The following BMERB1 variants were observed in gnomAD, a reference collection of about 807,000 sequenced individuals.
BMERB1 encodes bMERB domain-containing protein 1.
A neutral mutation model predicts 23.6 loss-of-function variants in BMERB1; 12 were observed. The observed-to-expected ratio is 0.51, with a 90% confidence interval of 0.33 to 0.82. The LOEUF (loss-of-function observed/expected upper bound fraction) is 0.82. BMERB1 is among the 40% of genes least tolerant of loss of function. BMERB1 has a pLI of 0.03. For synonymous variants in BMERB1, 122 were observed against 96.6 expected, an observed-to-expected ratio of 1.26 and a Z score of -1.54; for missense variants, 247 against 255.4, an observed-to-expected ratio of 0.97 and a Z score of 0.22.
At chr16:15,532,580 C>T (rs368685297) in intron 2 of BMERB1, among the ~76,000 whole-genome samples, 30 of 122,796 alleles carry the variant, frequency 2.4e-4, no homozygotes, top group African/African-American at 9.4e-4. Flanking sequence ...GAGTCTCGCT[C>T]TGTCGCCCAG....
At chr16:15,566,977 A>C (rs575585881) in intron 2 of BMERB1, among the ~76,000 whole-genome samples, 1 of 151,756 alleles carries the variant, frequency 6.6e-6, no homozygotes, top group South Asian at 2.1e-4. Context: ...GAAGCCAGGA[A>C]TCCAAGACCA....
At chr16:15,567,061 G>A (rs1463737695) in intron 2 of BMERB1, among the ~76,000 whole-genome samples, 6 of 151,940 alleles carry the variant, frequency 3.9e-5, no homozygotes, top group Non-Finnish European at 5.9e-5. Context: ...CAGCTACTCC[G>A]TAGGGGGCTG....
chr16:15,541,795 G>A (rs560223491), intron 2 of BMERB1, among the ~76,000 whole-genome samples: 2 of 151,628 alleles, frequency 1.3e-5, no homozygotes, highest in South Asian at 4.2e-4. Flanking sequence ...GTAGAGGTGG[G>A]GTTTCACCAT....
At chr16:15,562,140 C>CA (rs929337612) in intron 2 of BMERB1, among the ~76,000 whole-genome samples, 3,015 of 135,566 alleles carry the variant, frequency 0.022, 105 homozygotes, top group African/African-American at 0.074. Flanking sequence ...AAATCTCGTC[C>CA]AAAAAAAAAA....
chr16:15,499,605 C>A (rs2150942673), intron 1 of BMERB1, among the ~76,000 whole-genome samples: 1 of 152,254 alleles, frequency 6.6e-6, no homozygotes, highest in East Asian at 1.9e-4. Flanking sequence ...ACCACAGCTT[C>A]TCCTTGAGTC....
intron 3 of BMERB1, among the ~76,000 whole-genome samples, chr16:15,576,093 C>G (rs1005154776): frequency 6.7e-6 from 1 of 148,272 alleles, no homozygotes; most frequent in Non-Finnish European, 1.5e-5. Flanking sequence ...GGCTGGAGTG[C>G]AGTGGCGAGA....
intron 1 of BMERB1, among the ~76,000 whole-genome samples, chr16:15,513,015 A>G (rs1416753898): frequency 1.3e-5 from 2 of 152,206 alleles, no homozygotes; most frequent in Middle Eastern, 3.4e-3. Flanking sequence ...GGTGGGCTCC[A>G]TCTTGGGGGC....
At chr16:15,489,590 A>G (rs2051400131) in intron 1 of BMERB1, among the ~76,000 whole-genome samples, 1 of 152,124 alleles carries the variant, frequency 6.6e-6, no homozygotes, top group Non-Finnish European at 1.5e-5. Context: ...TGAAGAGCTT[A>G]CAGCCTGGGT....
chr16:15,441,877 C>CG (rs1189829910), intron 1 of BMERB1, among the ~76,000 whole-genome samples: 1 of 152,094 alleles, frequency 6.6e-6, no homozygotes, highest in African/African-American at 2.4e-5. Flanking sequence ...AAGTCCATAG[C>CG]GGGGCAAGTG....
intron 1 of BMERB1, among the ~76,000 whole-genome samples, chr16:15,489,266 G>GAT (rs371373224): frequency 6.6e-6 from 1 of 152,274 alleles, no homozygotes; most frequent in Non-Finnish European, 1.5e-5. Context: ...AAGGTGAATG[G>GAT]ATACTGGGAG....
chr16:15,493,947 A>T (rs2051447876), intron 1 of BMERB1, among the ~76,000 whole-genome samples: 1 of 152,186 alleles, frequency 6.6e-6, no homozygotes, highest in South Asian at 2.1e-4. Flanking sequence ...CATGGTTTTA[A>T]GCAGCTCCAT....
chr16:15,518,154 C>T (rs1255374449), intron 2 of BMERB1, among the ~76,000 whole-genome samples: 2 of 152,150 alleles, frequency 1.3e-5, no homozygotes, highest in African/African-American at 4.8e-5. Context: ...GCAGTAAGCT[C>T]TTGACTTGTG....
At chr16:15,584,920 G>C (rs1333588679) in intron 5 of BMERB1, among the ~76,000 whole-genome samples, 1 of 152,208 alleles carries the variant, frequency 6.6e-6, no homozygotes, top group Non-Finnish European at 1.5e-5. Context: ...ATCACCAAGA[G>C]GCTGGGGGTA....
chr16:15,460,412 C>G (rs925620748), intron 1 of BMERB1, among the ~76,000 whole-genome samples: 5 of 152,146 alleles, frequency 3.3e-5, no homozygotes, highest in Non-Finnish European at 5.9e-5. Flanking sequence ...ATGCATACTT[C>G]AAGGGGACAT....
chr16:15,517,294 A>G (rs1310782905), intron 2 of BMERB1, among the ~76,000 whole-genome samples: 6 of 152,210 alleles, frequency 3.9e-5, no homozygotes, highest in Non-Finnish European at 8.8e-5. Flanking sequence ...AGATCACTTG[A>G]GGCCAGGAGT....
At chr16:15,580,389 G>A (rs550625062) in intron 3 of BMERB1, among the ~76,000 whole-genome samples, 2 of 151,126 alleles carry the variant, frequency 1.3e-5, no homozygotes, top group South Asian at 4.2e-4. Flanking sequence ...CAGGTGGCAG[G>A]CACTATGCCC....
Position 15,462,755 on chromosome 16 carries a change from A to G in BMERB1, c.106+27996A>G, listed in dbSNP as rs2051146845. 3.3e-5 allele frequency among the ~76,000 whole-genome samples: 5 copies of G among 152,324 alleles called. No individual in the cohort carries two copies. In the South Asian group the frequency reaches 1.0e-3, roughly 32 times the overall value. On this transcript the variant is annotated intron_variant, in intron 1 of 5. Coordinates refer to ENST00000300006, the MANE Select transcript of BMERB1 (RefSeq NM_033201.3). ...ATATGGAGAGAGGAGAAGCAATTGG[A>G]AAATGAGTAAATATATCATGCTTTT...
chr16:15,584,130 TG>T, intron 5 of BMERB1: 1 of 696,584 alleles, frequency 1.4e-6, no homozygotes, highest in South Asian at 1.5e-5. Context: ...ACCCTGTATT[TG>T]GAGAGTCCCA....
intron 2 of BMERB1, among the ~76,000 whole-genome samples, chr16:15,535,862 G>A (rs1315128018): frequency 1.3e-5 from 2 of 152,076 alleles, no homozygotes; most frequent in African/African-American, 4.8e-5. Flanking sequence ...AGAAGGGGAA[G>A]CAGGCACCTT....
Sources: gnomAD v4.1 joint callset for allele counts (sites outside exome capture counted in the v4.1 genomes callset) on GRCh38, gnomAD v4.1.1 for gene constraint, MANE v1.5 for transcripts, NCBI Gene and HGNC (gene_info 2026-07-23, HGNC 2026-07-21) for gene names.